Variants in IGSF21 observed in about 807,000 individuals in gnomAD.
IGSF21 encodes the protein immunoglobin superfamily member 21.
In IGSF21, 28 loss-of-function variants were observed where a neutral mutation model predicts 46.8. That is an observed-to-expected ratio of 0.60 (90% CI 0.44 to 0.82). The LOEUF (loss-of-function observed/expected upper bound fraction) is 0.82, where lower values mean the gene tolerates loss of function less well. IGSF21 is among the 40% of genes least tolerant of loss of function. IGSF21 has a pLI of 0.00. For synonymous variants in IGSF21, 284 were observed against 273.6 expected, an observed-to-expected ratio of 1.04 and a Z score of -0.38; for missense variants, 624 against 665.5, an observed-to-expected ratio of 0.94 and a Z score of 0.69.
intron 1 of IGSF21, among the ~76,000 whole-genome samples, chr1:18,181,652 T>G (rs2124469182): frequency 6.6e-6 from 1 of 152,264 alleles, no homozygotes; most frequent in Non-Finnish European, 1.5e-5. Flanking sequence ...CTGTCTTTTT[T>G]GAATTTGTCC....
intron 3 of IGSF21, among the ~76,000 whole-genome samples, chr1:18,312,075 A>G (rs1194961854): frequency 6.6e-6 from 1 of 152,078 alleles, no homozygotes; most frequent in Non-Finnish European, 1.5e-5. Flanking sequence ...CGTAGCGTGT[A>G]TCTCTGCCTA....
intron 1 of IGSF21, among the ~76,000 whole-genome samples, chr1:18,159,685 CT>C (rs11371899): frequency 1.8e-3 from 246 of 138,698 alleles, no homozygotes; most frequent in South Asian, 4.2e-3. Context: ...TCGGGTATGT[CT>C]TTTTTTTTTT....
chr1:18,318,641 C>T (rs570788267), intron 3 of IGSF21, among the ~76,000 whole-genome samples: 5 of 152,258 alleles, frequency 3.3e-5, no homozygotes, highest in East Asian at 3.9e-4. Context: ...GAGCACCTGA[C>T]GGCCCCAGCT....
chr1:18,334,106 A>G lies in IGSF21; in HGVS notation c.306-786A>G, dbSNP rs999227588. Reference sequence around the variant, plus strand: ...TTTACTCTCTGGACTTTTAGGAGAAAAGACTGAAAGCAGGTTTGAGGGGGT... The same window carrying G: ...TTTACTCTCTGGACTTTTAGGAGAAGAGACTGAAAGCAGGTTTGAGGGGGT... On this transcript the variant is annotated intron_variant, in intron 3 of 9. Transcript: ENST00000251296. The surrounding 1 kb of genome is among the most constrained non-coding windows in gnomAD (Gnocchi z 4.3). Among the ~76,000 whole-genome samples the G allele has an allele frequency of 6.6e-6, 1 of 152,206 alleles. No homozygotes were observed. Among genetic ancestry groups the G allele is most frequent in the Non-Finnish European group, 1.5e-5 (1 of 68,038 alleles).
chr1:18,366,977 G>A (rs1037760336), intron 6 of IGSF21, among the ~76,000 whole-genome samples: 5 of 152,184 alleles, frequency 3.3e-5, no homozygotes, highest in Non-Finnish European at 7.3e-5. Flanking sequence ...GCGAGGGCAG[G>A]GGATGGGCAC....
intron 1 of IGSF21, among the ~76,000 whole-genome samples, chr1:18,177,392 G>GAAGGTC (rs1553151722): frequency 8.0e-6 from 1 of 125,018 alleles, no homozygotes; most frequent in Non-Finnish European, 1.7e-5. Flanking sequence ...GGGTCAGTGA[G>GAAGGTC]GTGTGTGTGT....
intron 1 of IGSF21, among the ~76,000 whole-genome samples, chr1:18,161,251 G>A (rs889069885): frequency 3.9e-5 from 6 of 152,176 alleles, no homozygotes; most frequent in African/African-American, 1.4e-4. Context: ...AGAAGGGAAA[G>A]CCAGCATTCA....
At chr1:18,187,890 C>T (rs1470148520) in intron 1 of IGSF21, among the ~76,000 whole-genome samples, 2 of 152,086 alleles carry the variant, frequency 1.3e-5, no homozygotes, top group Non-Finnish European at 2.9e-5. Flanking sequence ...AGCGGACACT[C>T]AGAATGTTTG....
chr1:18,197,492 C>G (rs979377885), intron 1 of IGSF21, among the ~76,000 whole-genome samples: 2 of 152,226 alleles, frequency 1.3e-5, no homozygotes, highest in African/African-American at 4.8e-5. Context: ...TTCAGCTAAG[C>G]CATTCACCCT....
At chr1:18,114,838 C>T (rs1243195865) in intron 1 of IGSF21, 1 of 152,172 alleles carries the variant, frequency 6.6e-6, no homozygotes, top group Non-Finnish European at 1.5e-5. Context: ...ATCCTCAACC[C>T]ATTGCTGGAC....
intron 1 of IGSF21, among the ~76,000 whole-genome samples, chr1:18,220,801 C>A (rs1263302993): frequency 6.6e-6 from 1 of 152,092 alleles, no homozygotes; most frequent in East Asian, 1.9e-4. Flanking sequence ...GAGGGACAGC[C>A]TGTGTTCAGG....
At chr1:18,160,570 C>CT (rs2086609725) in intron 1 of IGSF21, among the ~76,000 whole-genome samples, 1 of 122,776 alleles carries the variant, frequency 8.1e-6, no homozygotes, top group South Asian at 2.7e-4. Flanking sequence ...GTCATAATTT[C>CT]TTTTCTGGTA....
At chr1:18,205,700 A>G (rs1374343717) in intron 1 of IGSF21, among the ~76,000 whole-genome samples, 1 of 152,228 alleles carries the variant, frequency 6.6e-6, no homozygotes, top group African/African-American at 2.4e-5. Flanking sequence ...GACTGACTCA[A>G]GGTGGGACTA....
At chr1:18,361,996 C>A in intron 4 of IGSF21, 119 bp from the exon 5 acceptor site, 2 of 664,176 alleles carry the variant, frequency 3.0e-6, no homozygotes, top group Admixed American at 2.4e-5. Context: ...AGTTTGGCAA[C>A]ACCTGCCCTC....
intron 2 of IGSF21, among the ~76,000 whole-genome samples, chr1:18,234,695 G>A (rs1421027611): frequency 6.6e-6 from 1 of 152,128 alleles, no homozygotes; most frequent in East Asian, 1.9e-4. Flanking sequence ...TGTCTTGTGA[G>A]AACTCACTAT....
chr1:18,147,785 G>T (rs1205581460), intron 1 of IGSF21, among the ~76,000 whole-genome samples: 1 of 152,020 alleles, frequency 6.6e-6, no homozygotes, highest in African/African-American at 2.4e-5. Context: ...CATTTTTACT[G>T]AGGACACTTG....
rs1318601705 is a variant in IGSF21, at chr1:18,109,377, A to C, written c.70+1179A>C. ...GGGAGCGGGACGCGAGGTGCCAAAAAGTCGTCTTTATGATCAATAAGGTCT... is the reference window on the plus strand; with the variant it reads ...GGGAGCGGGACGCGAGGTGCCAAAACGTCGTCTTTATGATCAATAAGGTCT... On this transcript the variant is annotated intron_variant, in intron 1 of 9. Coordinates refer to ENST00000251296, the MANE Select transcript of IGSF21 (RefSeq NM_032880.5). The surrounding 1 kb of genome is among the most constrained non-coding windows in gnomAD (Gnocchi z 4.8). 6.6e-6 allele frequency: 1 copy of C among 152,010 alleles called. No individual in the cohort carries two copies. Among genetic ancestry groups the C allele is most frequent in the African/African-American group, 2.4e-5 (1 of 41,380 alleles). The allele number at this position is 152,010 out of a possible 1,614,324, so 9.4% of individuals were successfully genotyped here.
chr1:18,126,151 A>G (rs1436079951), intron 1 of IGSF21, among the ~76,000 whole-genome samples: 1 of 152,130 alleles, frequency 6.6e-6, no homozygotes, highest in Non-Finnish European at 1.5e-5. Context: ...CCACTTTGGG[A>G]GGCGAGAATG....
At chr1:18,358,746 T>C (rs2086051654) in intron 4 of IGSF21, among the ~76,000 whole-genome samples, 1 of 152,226 alleles carries the variant, frequency 6.6e-6, no homozygotes, top group Admixed American at 6.5e-5. Context: ...AATTCCATTT[T>C]TCAGATCAGG....
Sources: gnomAD v4.1 joint callset for allele counts (sites outside exome capture counted in the v4.1 genomes callset) on GRCh38, gnomAD v4.1.1 for gene constraint, Gnocchi (gnomAD v3.1) non-coding constraint, MANE v1.5 for transcripts, NCBI Gene and HGNC (gene_info 2026-07-23, HGNC 2026-07-21) for gene names.